The following NKTR variants were observed in gnomAD, a reference collection of about 807,000 sequenced individuals.
NKTR encodes the protein natural killer cell triggering receptor.
A neutral mutation model predicts 156.3 loss-of-function variants in NKTR; 67 were observed. That is an observed-to-expected ratio of 0.43 (90% CI 0.35 to 0.53). The LOEUF is 0.53. Among genes scored for constraint, NKTR ranks in the 20% least tolerant of loss-of-function variants. The probability of loss-of-function intolerance (pLI) is 0.01; values close to 1 mark genes in which losing one functional copy is unlikely to be tolerated. For missense variants in NKTR, 1,604 were observed against 1,730.9 expected, an observed-to-expected ratio of 0.93 and a Z score of 1.30; for synonymous variants, 640 against 596.6, an observed-to-expected ratio of 1.07 and a Z score of -1.06.
intron 6 of NKTR, among the ~76,000 whole-genome samples, chr3:42,626,261 A>C (rs1708379550): frequency 1.3e-5 from 2 of 151,676 alleles, no homozygotes; most frequent in South Asian, 4.2e-4. Flanking sequence ...CCTTTATGAT[A>C]ATTTTAAGCT....
At position 42,631,214 on chromosome 3, in the gene NKTR, A is replaced by G; in HGVS notation, c.448A>G (p.Ile150Val). The G allele has an allele frequency of 1.2e-6, 2 of 1,614,088 alleles. No homozygotes were observed. The highest frequency in any genetic ancestry group is 2.2e-5 in the South Asian group (2 of 91,084). Residue 150 changes from isoleucine to valine, a missense_variant, in exon 8 of 17, where the codon ATC becomes GTC. By Grantham distance (29) the Ile-to-Val change is conservative (BLOSUM62 3). Transcript: ENST00000232978. ...FGLVISGFEV[I>V]EQIENLKTDA... Reference sequence around the variant, plus strand: ...ACTGGTTATTTCTGGTTTTGAAGTAATCGAACAAATTGAAAATCTGAAGAC... The same window carrying G: ...ACTGGTTATTTCTGGTTTTGAAGTAGTCGAACAAATTGAAAATCTGAAGAC...
chr3:42,625,632 C>T (rs1047469031), intron 6 of NKTR, among the ~76,000 whole-genome samples: 1 of 151,976 alleles, frequency 6.6e-6, no homozygotes, highest in African/African-American at 2.4e-5. Context: ...TTTTTCTACC[C>T]ACGTATTCAT....
chr3:42,625,966 A>C (rs1038657457), intron 6 of NKTR, among the ~76,000 whole-genome samples: 1 of 152,176 alleles, frequency 6.6e-6, no homozygotes, highest in African/African-American at 2.4e-5. Flanking sequence ...TTTGGAACAC[A>C]TGGGTAGAGC....
chr3:42,608,539 T>G (rs1252468310), intron 2 of NKTR, among the ~76,000 whole-genome samples: 1 of 152,192 alleles, frequency 6.6e-6, no homozygotes. Flanking sequence ...CTGGAAGCTC[T>G]CTCTAAACCC....
rs201002171 is a variant in NKTR, at chr3:42,642,523, C to T, written c.4069C>T (p.Arg1357Trp). 1.8e-5 allele frequency: 29 copies of T among 1,613,396 alleles called. No individual in the cohort carries two copies. Among genetic ancestry groups the T allele is most frequent in the Admixed American group, 8.3e-5 (5 of 59,986 alleles). ...TAGATCAAGAAGCTACTCTAGAAGTCGGAGCAGAGGATGGTACAGCAGAGG... is the reference window on the plus strand; with the variant it reads ...TAGATCAAGAAGCTACTCTAGAAGTTGGAGCAGAGGATGGTACAGCAGAGG... ...SYRSRSYSRS[R>W]SRGWYSRGRT... The change falls in exon 14 of 17, where the codon CGG becomes TGG. Residue 1357 changes from arginine (R) to tryptophan (W), a missense_variant. Physicochemically the swap from Arg to Trp is moderately radical, Grantham distance 101. This residue lies in a region of NKTR where 193 missense variants were observed against 220.2 expected (regional missense o/e 0.88). Coordinates refer to ENST00000232978, the MANE Select transcript of NKTR (RefSeq NM_005385.4).
chr3:42,620,268 T>C (rs866781246), intron 5 of NKTR: 45 of 1,244,354 alleles, frequency 3.6e-5, no homozygotes, highest in South Asian at 1.4e-4. Flanking sequence ...GGGTTTTTTT[T>C]CCCCTAAACC....
chr3:42,638,626 A>T lies in NKTR; in HGVS notation c.2922A>T (p.Pro974=), dbSNP rs1411328875. 4 of 1,613,372 alleles carry T rather than the reference A, an allele frequency of 2.5e-6. No homozygotes were observed. In the African/African-American group the frequency reaches 5.3e-5, roughly 22 times the overall value. ...CSNSENNRGK[P]QKHKHGSKEN... ...ATTCGGAAAACAATAGGGGAAAGCC[A>T]CAAAAGCACAAACATGGGTCAAAGG... The change falls in exon 13 of 17, where the codon CCA becomes CCT. Residue 974 remains proline (P), a synonymous_variant. Coordinates refer to ENST00000232978, the MANE Select transcript of NKTR (RefSeq NM_005385.4).
Position 42,638,269 on chromosome 3 carries a change from T to G in NKTR, c.2565T>G (p.His855Gln). The G allele has an allele frequency of 6.2e-7, 1 of 1,607,226 alleles. No homozygotes were observed. Among genetic ancestry groups the G allele is most frequent in the Non-Finnish European group, 8.5e-7 (1 of 1,178,344 alleles). Residue 855 changes from histidine to glutamine, a missense_variant, in exon 13 of 17, where the codon CAT (histidine) becomes CAG (glutamine). Coordinates refer to ENST00000232978, the MANE Select transcript of NKTR (RefSeq NM_005385.4). ...CCAAGTCTGAACGGGAATGCCCTCATTCAAAAAAAAGAACTTTGAAAGAGA... is the reference window on the plus strand; with the variant it reads ...CCAAGTCTGAACGGGAATGCCCTCAGTCAAAAAAAAGAACTTTGAAAGAGA... ...EKSKSERECP[H>Q]SKKRTLKENL...
intron 6 of NKTR, 83 bp from the exon 7 acceptor site, chr3:42,630,463 C>T: frequency 6.3e-7 from 1 of 1,598,308 alleles, no homozygotes; most frequent in South Asian, 1.1e-5. Context: ...TTGTTCTCTA[C>T]ATGCTGTGTT....
intron 6 of NKTR, chr3:42,629,753 A>T (rs946959558): frequency 1.0e-6 from 1 of 985,214 alleles, no homozygotes; most frequent in Non-Finnish European, 1.2e-6. Context: ...TGAAAATGCT[A>T]TGGGAAAACT....
intron 10 of NKTR, 148 bp downstream of exon 10, chr3:42,633,883 C>A (rs556967611): frequency 1.1e-5 from 9 of 831,728 alleles, no homozygotes; most frequent in Non-Finnish European, 1.7e-5. Flanking sequence ...ATGAATGATA[C>A]GTAGGAAATA....
In NKTR at chr3:42,639,508, C is replaced by T; in HGVS notation, c.3804C>T (p.Ser1268=). Residue 1268 remains serine, a synonymous_variant, in exon 13 of 17, where the codon AGC becomes AGT. Transcript: ENST00000232978. The stretch of plus-strand genomic sequence containing the variant: ...AAGGCTTGAGAATAGAAATTAAAAG[C>T]AAAAATAAAGTTCGGCCTGGGTCTC... ...KPQGLRIEIK[S]KNKVRPGSLF... The T allele has an allele frequency of 6.2e-7, 1 of 1,614,104 alleles. No homozygotes were observed. Among genetic ancestry groups the T allele is most frequent in the South Asian group, 1.1e-5 (1 of 91,080 alleles).
intron 5 of NKTR, chr3:42,620,254 TGTG>T (rs1276150537): frequency 5.2e-5 from 66 of 1,258,164 alleles, no homozygotes; most frequent in Non-Finnish European, 6.4e-5. Context: ...AGAGTCTAGT[TGTG>T]GGGTTTTTTT....
In NKTR at chr3:42,638,738, C is replaced by T. The variant is rs1709637385; in HGVS notation, c.3034C>T (p.Gln1012Ter). 1 of 1,613,868 alleles carries T rather than the reference C, an allele frequency of 6.2e-7. No individual in the cohort carries two copies. The highest frequency in any genetic ancestry group is 8.5e-7 in the Non-Finnish European group (1 of 1,180,034). ...DKKHKAPKRK[Q>*]AFHWQPPLEF... ...AAAGCATAAGGCTCCAAAACGAAAG[C>T]AAGCATTTCACTGGCAGCCTCCACT... Residue 1012 changes from glutamine (Q) to a stop codon, truncating the protein, a stop_gained, in exon 13 of 17, where the codon CAA (glutamine) becomes TAA (stop). Coordinates refer to ENST00000232978, the MANE Select transcript of NKTR (RefSeq NM_005385.4). LOFTEE classifies it high-confidence loss of function.
intron 2 of NKTR, 100 bp downstream of exon 2, chr3:42,601,164 G>A (rs1439005673): frequency 1.0e-6 from 1 of 971,952 alleles, no homozygotes; most frequent in East Asian, 3.2e-5. Context: ...TTTGGGAGCG[G>A]GTAGGAGGCG....
rs1559573295 is a variant in NKTR, at chr3:42,629,627, CTCTT to C, written c.375-918_375-915del. ...TCTCTTTCAAATTTCTGTTTTCTAG[CTCTT>C]AAATATCTGTTTCTCATTCTTATAA... On this transcript the variant is annotated intron_variant, in intron 6 of 16. Coordinates refer to ENST00000232978, the MANE Select transcript of NKTR (RefSeq NM_005385.4). 4.1e-6 allele frequency: 4 copies of C among 976,734 alleles called. No homozygotes were observed. In the Middle Eastern group the frequency reaches 1.6e-3, roughly 385 times the overall value. 60.5% of individuals were successfully genotyped at this position (976,734 alleles called of 1,614,324 possible). A position where few individuals can be genotyped will look rare whatever the true frequency, so the allele number is the denominator to read the frequency against.
chr3:42,643,302 T>C (rs767801272), intron 14 of NKTR, 37 bp from the exon 15 acceptor site: 2 of 1,588,426 alleles, frequency 1.3e-6, no homozygotes, highest in South Asian at 2.2e-5. Context: ...CCTGCCCTGA[T>C]CTATAAGATG....
At chr3:42,620,300 G>T in intron 5 of NKTR, 2 of 1,205,142 alleles carry the variant, frequency 1.7e-6, no homozygotes, top group Non-Finnish European at 2.1e-6. Context: ...TTGAATAAAA[G>T]TTGAAATTTC....
rs757254552 is a variant in NKTR at position 42,638,477 on chromosome 3, A to G, written c.2773A>G (p.Ile925Val). Residue 925 changes from isoleucine (I) to valine (V), a missense_variant, in exon 13 of 17, where the codon ATT (isoleucine) becomes GTT (valine). Ile to Val is a conservative substitution (Grantham distance 29, BLOSUM62 3). Transcript: ENST00000232978. Reference protein sequence around the residue: ...TSDSESEVSEIHIKVKPTTKS... With the variant: ...TSDSESEVSEVHIKVKPTTKS... Reference sequence around the variant, plus strand: ...CGATTCTGAATCAGAGGTTAGTGAAATTCACATCAAAGTCAAACCCACAAC... The same window carrying G: ...CGATTCTGAATCAGAGGTTAGTGAAGTTCACATCAAAGTCAAACCCACAAC... 51 of 1,611,284 alleles carry G rather than the reference A, an allele frequency of 3.2e-5. No individual in the cohort carries two copies. The highest frequency in any genetic ancestry group is 4.2e-6 in the Non-Finnish European group (5 of 1,179,168).
Sources: gnomAD v4.1 joint callset for allele counts (sites outside exome capture counted in the v4.1 genomes callset) on GRCh38, gnomAD v4.1.1 for gene constraint, gnomAD v4.1.1 regional missense constraint, MANE v1.5 for transcripts, NCBI Gene and HGNC (gene_info 2026-07-23, HGNC 2026-07-21) for gene names.